ADSS1: variants seen among roughly 807,000 people sequenced by gnomAD.
ADSS1 encodes adenylosuccinate synthetase isozyme 1.
In ADSS1, 57 loss-of-function variants were observed where a neutral mutation model predicts 59.1. The ratio of observed to expected loss-of-function variants is 0.97; its 90% CI spans 0.78 to 1.20. The LOEUF is 1.20. ADSS1 is among the 50% of genes most tolerant of loss of function. The pLI is 0.00. For missense variants in ADSS1, 603 were observed against 610.3 expected, an observed-to-expected ratio of 0.99 and a Z score of 0.13; for synonymous variants, 247 against 249.4, an observed-to-expected ratio of 0.99 and a Z score of 0.09.
intron 8 of ADSS1, 103 bp downstream of exon 8, chr14:104,741,346 C>A: frequency 6.9e-7 from 1 of 1,446,078 alleles, no homozygotes; most frequent in Non-Finnish European, 9.2e-7. Flanking sequence ...GGGGCAGACC[C>A]GCTTTCCAAG....
At chr14:104,742,451 C>A (rs183381502) in intron 9 of ADSS1, among the ~76,000 whole-genome samples, 1 of 152,250 alleles carries the variant, frequency 6.6e-6, no homozygotes, top group Non-Finnish European at 1.5e-5. Flanking sequence ...AGCCAACCCC[C>A]ACAACCCTGC....
chr14:104,743,943 A>G (rs1471369576), intron 10 of ADSS1, among the ~76,000 whole-genome samples: 1 of 152,248 alleles, frequency 6.6e-6, no homozygotes, highest in Admixed American at 6.5e-5. Context: ...AGCAGTGCTC[A>G]GCAGACCCAT....
chr14:104,726,729 G>A (rs1373970419), intron 1 of ADSS1, among the ~76,000 whole-genome samples: 1 of 152,216 alleles, frequency 6.6e-6, no homozygotes, highest in Non-Finnish European at 1.5e-5. Context: ...CTCACTCAAG[G>A]GGCTGAGCAG....
Position 104,739,197 on chromosome 14 carries a change from G to A in ADSS1, c.359-131G>A, listed in dbSNP as rs532887076. 6.6e-5 allele frequency: 58 copies of A among 873,412 alleles called. No individual in the cohort carries two copies. In the African/African-American group the frequency reaches 6.6e-4, roughly 10 times the overall value. 54.1% of individuals were successfully genotyped at this position (873,412 alleles called of 1,614,324 possible). A position where few individuals can be genotyped will look rare whatever the true frequency, so the allele number is the denominator to read the frequency against. ...TGCCGCTTGCTGCGCAACAGAGGTG[G>A]CCCTGTCAGCCTCCTCCCTGCATGC... On this transcript the variant is annotated intron_variant, in intron 3 of 12. Transcript: ENST00000330877.
At position 104,744,885 on chromosome 14, in the gene ADSS1, G is replaced by C. The variant is rs779161094; in HGVS notation, c.1147G>C (p.Gly383Arg). ...VKVGVSYKLN[G>R]KRIPYFPANQ... Reference sequence around the variant, plus strand: ...AGTCGGTGTCTCATACAAGCTGAACGGGAAAAGGATTCCCTATTTCCCAGG... The same window carrying C: ...AGTCGGTGTCTCATACAAGCTGAACCGGAAAAGGATTCCCTATTTCCCAGG... Residue 383 changes from glycine (G) to arginine (R), a missense_variant, in exon 11 of 13, where the codon GGG becomes CGG. Transcript: ENST00000330877. The C allele has an allele frequency of 1.2e-6, 2 of 1,613,992 alleles. No individual in the cohort carries two copies. Among genetic ancestry groups the C allele is most frequent in the Admixed American group, 1.7e-5 (1 of 60,006 alleles).
At chr14:104,726,058 C>T (rs2140739425) in intron 1 of ADSS1, among the ~76,000 whole-genome samples, 1 of 152,330 alleles carries the variant, frequency 6.6e-6, no homozygotes, top group Non-Finnish European at 1.5e-5. Context: ...GGCTGGAGCC[C>T]ATCCCGCACT....
intron 11 of ADSS1, chr14:104,745,149 A>C (rs2140829784): frequency 2.1e-6 from 1 of 484,632 alleles, no homozygotes. Context: ...GTGTTTTGGG[A>C]ATGGCTCAGG....
At chr14:104,734,341 C>T (rs1021774577) in intron 1 of ADSS1, among the ~76,000 whole-genome samples, 2 of 152,204 alleles carry the variant, frequency 1.3e-5, no homozygotes, top group African/African-American at 2.4e-5. Context: ...GAGAGGGTCC[C>T]TAGCTTATCC....
At chr14:104,745,524 C>T (rs1280541565) in intron 11 of ADSS1, 2 of 153,132 alleles carry the variant, frequency 1.3e-5, no homozygotes, top group African/African-American at 4.8e-5. Context: ...CCTCAGCAGC[C>T]CTGGGCGAGC....
chr14:104,745,219 A>C (rs1595215266), intron 11 of ADSS1: 1 of 323,154 alleles, frequency 3.1e-6, no homozygotes, highest in East Asian at 7.3e-5. Flanking sequence ...GAAAAGGCCC[A>C]CCTGCAGGGA....
chr14:104,725,689 C>G (rs12887451), intron 1 of ADSS1, among the ~76,000 whole-genome samples: 63,150 of 152,138 alleles, frequency 0.42, 13,535 homozygotes, highest in East Asian at 0.58. Flanking sequence ...TCCCTCCACA[C>G]TGCCTCTGCC....
chr14:104,743,346 G>A (rs937705741), intron 10 of ADSS1, 155 bp downstream of exon 10: 2 of 1,169,338 alleles, frequency 1.7e-6, no homozygotes, highest in Admixed American at 2.2e-5. Flanking sequence ...CGGCCCAGAG[G>A]TTAGCGGTAT....
chr14:104,724,242 G>GGCCAGCGCAGCGGAAGAGCCAA lies in ADSS1; in HGVS notation c.-22_-1dup. The GGCCAGCGCAGCGGAAGAGCCAA allele has an allele frequency of 8.2e-7, 1 of 1,223,522 alleles. No individual in the cohort carries two copies. Among genetic ancestry groups the GGCCAGCGCAGCGGAAGAGCCAA allele is most frequent in the Non-Finnish European group, 1.0e-6 (1 of 982,004 alleles). The allele number at this position is 1,223,522 out of a possible 1,614,324, so 75.8% of individuals were successfully genotyped here. A position where few individuals can be genotyped will look rare whatever the true frequency, so the allele number is the denominator to read the frequency against. On this transcript the variant is annotated 5_prime_UTR_variant, in exon 1 of 13. Transcript: ENST00000330877. ...GCCGGCGGCGGCGGGCTCCTGGCCG[G>GGCCAGCGCAGCGGAAGAGCCAA]GCCAGCGCAGCGGAAGAGCCAAGCC...
intron 9 of ADSS1, among the ~76,000 whole-genome samples, chr14:104,742,706 C>T (rs959596376): frequency 2.0e-5 from 3 of 152,250 alleles, no homozygotes; most frequent in African/African-American, 7.2e-5. Flanking sequence ...CCCTGACCCC[C>T]AAAGCCAAGC....
At chr14:104,731,192 A>T (rs1459217107) in intron 1 of ADSS1, among the ~76,000 whole-genome samples, 1 of 152,012 alleles carries the variant, frequency 6.6e-6, no homozygotes, top group Non-Finnish European at 1.5e-5. Flanking sequence ...CGTCTCTCTC[A>T]CTCGCACCCT....
intron 1 of ADSS1, among the ~76,000 whole-genome samples, chr14:104,727,037 T>C (rs966762889): frequency 6.6e-6 from 1 of 152,182 alleles, no homozygotes; most frequent in African/African-American, 2.4e-5. Context: ...TCAAGCCCCC[T>C]GGTGGCCCCT....
At chr14:104,730,090 C>T (rs1395040130) in intron 1 of ADSS1, 1 of 1,554,910 alleles carries the variant, frequency 6.4e-7, no homozygotes, top group African/African-American at 1.4e-5. Flanking sequence ...CCTGTGGAGG[C>T]CCAACTAGGG....
chr14:104,739,957 A>C, intron 5 of ADSS1, 141 bp downstream of exon 5: 1 of 898,948 alleles, frequency 1.1e-6, no homozygotes, highest in Non-Finnish European at 1.7e-6. Flanking sequence ...CACCGTCAAA[A>C]TTCCACAGCG....
chr14:104,732,392 T>A (rs1353478411), intron 1 of ADSS1, among the ~76,000 whole-genome samples: 15 of 152,134 alleles, frequency 9.9e-5, no homozygotes, highest in Non-Finnish European at 1.8e-4. Context: ...CCTCAACTGG[T>A]GATGGGGAGG....
Sources: allele counts gnomAD v4.1 joint callset (sites outside exome capture counted in the v4.1 genomes callset), GRCh38; gene constraint gnomAD v4.1.1; transcripts MANE v1.5; gene names NCBI Gene and HGNC (gene_info 2026-07-23, HGNC 2026-07-21).